DCP2: variants seen among roughly 807,000 people sequenced by gnomAD.
The protein encoded by DCP2 is decapping mRNA 2.
DCP2 carries 30 observed loss-of-function variants against 56.1 expected under a neutral mutation model. The observed-to-expected ratio is 0.53, with a 90% CI of 0.40 to 0.73. The LOEUF is 0.73. Among genes scored for constraint, DCP2 ranks in the 30% least tolerant of loss-of-function variants. The pLI, the probability that DCP2 is intolerant of heterozygous loss-of-function variation, is 0.00. For missense variants in DCP2, 533 were observed against 502.7 expected (o/e 1.06, Z -0.58); for synonymous variants, 197 against 163.3 (o/e 1.21, Z -1.57).
intron 4 of DCP2, among the ~76,000 whole-genome samples, chr5:112,999,483 C>A (rs936958375): frequency 6.6e-6 from 1 of 151,988 alleles, no homozygotes; most frequent in East Asian, 1.9e-4. Flanking sequence ...CATGCGCCAC[C>A]CCGCCTGGCT....
chr5:112,992,838 T>C, intron 4 of DCP2, 68 bp downstream of exon 4: 1 of 1,218,688 alleles, frequency 8.2e-7, no homozygotes, highest in Non-Finnish European at 1.1e-6. Context: ...TTTTTAGCCA[T>C]ATAGACTTAC....
Position 113,010,821 on chromosome 5 carries a change from T to A in DCP2, c.1099+14T>A, listed in dbSNP as rs1240573099. 2 of 1,597,332 alleles carry A rather than the reference T, an allele frequency of 1.3e-6. No individual in the cohort carries two copies. The highest frequency in any genetic ancestry group is 2.3e-5 in the South Asian group (2 of 86,952). On this transcript the variant is annotated intron_variant, in intron 10 of 10. Transcript: ENST00000389063. ...ATTTTGAAACAGGCAAGTCATTTCC[T>A]ATCTTTTTATAATCTCTGCCTTGTG...
In DCP2 at chr5:113,017,823, A is replaced by AATATCTATATCT. The variant is rs575807236; in HGVS notation, c.*4349_*4360dup. The AATATCTATATCT allele has an allele frequency of 6.6e-6, 1 of 152,172 alleles. No individual in the cohort carries two copies. The highest frequency in any genetic ancestry group is 1.5e-5 in the Non-Finnish European group (1 of 68,032). 9.4% of individuals were successfully genotyped at this position (152,172 alleles called of 1,614,324 possible). ...AAGTGTAGTCATTCATATATATATG[A>AATATCTATATCT]ATATCTATATCTATATCTATACATA... is the stretch of plus-strand genomic sequence containing the variant. On this transcript the variant is annotated 3_prime_UTR_variant, in exon 11 of 11. Coordinates refer to ENST00000389063, the MANE Select transcript of DCP2 (RefSeq NM_152624.6).
chr5:113,007,290 C>T (rs1306149376), intron 8 of DCP2, among the ~76,000 whole-genome samples: 6 of 152,036 alleles, frequency 3.9e-5, no homozygotes, highest in African/African-American at 7.2e-5. Flanking sequence ...TAATGTCCCT[C>T]GGCATTCCTT....
intron 1 of DCP2, among the ~76,000 whole-genome samples, chr5:112,979,724 G>A (rs1031409373): frequency 2.6e-5 from 4 of 152,134 alleles, no homozygotes; most frequent in Non-Finnish European, 4.4e-5. Context: ...TGATGCTTTA[G>A]TATGTAACAT....
In DCP2 at chr5:112,988,319, A is replaced by G. The variant is rs984568475; in HGVS notation, c.205+2333A>G. 2.3e-4 allele frequency among the ~76,000 whole-genome samples: 7 copies of G among 30,756 alleles called. No homozygotes were observed. In the South Asian group the frequency reaches 6.6e-3, roughly 29 times the overall value. The allele number at this position is 30,756 out of a possible 152,430, so 20.2% of individuals were successfully genotyped here. A position where few individuals can be genotyped will look rare whatever the true frequency, so the allele number is the denominator to read the frequency against. ...AACACAGTAAAACCCCGTCTCTACTAAAAAAAAAAAAAAATACAAAAAATT... is the reference window on the plus strand; with the variant it reads ...AACACAGTAAAACCCCGTCTCTACTGAAAAAAAAAAAAAATACAAAAAATT... On this transcript the variant is annotated intron_variant, in intron 2 of 10. Transcript: ENST00000389063.
chr5:112,994,062 G>T (rs1748728045), intron 4 of DCP2, among the ~76,000 whole-genome samples: 1 of 151,568 alleles, frequency 6.6e-6, no homozygotes, highest in African/African-American at 2.4e-5. Flanking sequence ...CTCCCAAAGT[G>T]CTGGGATTAG....
intron 2 of DCP2, among the ~76,000 whole-genome samples, chr5:112,988,215 G>T (rs1420472638): frequency 6.6e-6 from 1 of 151,874 alleles, no homozygotes; most frequent in South Asian, 2.1e-4. Context: ...GGGTGCGGTG[G>T]CTCATGCCTG....
At chr5:112,990,772 T>G (rs1748550753) in intron 2 of DCP2, among the ~76,000 whole-genome samples, 1 of 151,400 alleles carries the variant, frequency 6.6e-6, no homozygotes, top group South Asian at 2.1e-4. Flanking sequence ...ATGGCTGACT[T>G]GACTTGGGCT....
chr5:112,988,674 T>C (rs1174866244), intron 2 of DCP2, among the ~76,000 whole-genome samples: 1 of 152,134 alleles, frequency 6.6e-6, no homozygotes. Flanking sequence ...GTGTAGAAGT[T>C]AATGAGAAAT....
intron 1 of DCP2, among the ~76,000 whole-genome samples, chr5:112,979,394 C>G (rs558316627): frequency 9.5e-4 from 144 of 151,294 alleles, no homozygotes; most frequent in African/African-American, 3.3e-3. Context: ...TAGACTAAAA[C>G]TTTTTTTTTA....
Position 112,976,996 on chromosome 5 carries a change from T to G in DCP2, c.53+10T>G. Reference sequence around the variant, plus strand: ...TGGACGATCTCTGCAGGTACCGCGCTACCCGACCCCCTTTCGCCCCCGTCG... The same window carrying G: ...TGGACGATCTCTGCAGGTACCGCGCGACCCGACCCCCTTTCGCCCCCGTCG... On this transcript the variant is annotated intron_variant, in intron 1 of 10. Coordinates refer to ENST00000389063, the MANE Select transcript of DCP2 (RefSeq NM_152624.6). 6.5e-7 allele frequency: 1 copy of G among 1,532,556 alleles called. No individual in the cohort carries two copies. The highest frequency in any genetic ancestry group is 8.8e-7 in the Non-Finnish European group (1 of 1,130,656). The allele number at this position is 1,532,556 out of a possible 1,614,324, so 94.9% of individuals were successfully genotyped here. A position where few individuals can be genotyped will look rare whatever the true frequency, so the allele number is the denominator to read the frequency against.
At chr5:112,984,695 A>T (rs1379586765) in intron 1 of DCP2, 1,017 of 75,502 alleles carry the variant, frequency 0.013, 37 homozygotes, top group African/African-American at 0.075. Context: ...TTAAAAAAAA[A>T]AAAAAAAAAT....
intron 1 of DCP2, among the ~76,000 whole-genome samples, chr5:112,982,068 C>A (rs1748032553): frequency 6.6e-6 from 1 of 152,126 alleles, no homozygotes; most frequent in East Asian, 1.9e-4. Flanking sequence ...ATGCCAGGCC[C>A]CTTCTGGCTA....
intron 8 of DCP2, among the ~76,000 whole-genome samples, chr5:113,005,743 G>A (rs747208463): frequency 6.6e-6 from 1 of 152,192 alleles, no homozygotes; most frequent in Non-Finnish European, 1.5e-5. Context: ...CCAAAAGGTG[G>A]AAACAACTCA....
Position 113,014,567 on chromosome 5 carries a change from T to G in DCP2, c.*1083T>G, listed in dbSNP as rs1749808123. ...GTATATGTGTTACATAACAGTAACATACATAACTCACTCCTAGGAATGTAT... is the reference window on the plus strand; with the variant it reads ...GTATATGTGTTACATAACAGTAACAGACATAACTCACTCCTAGGAATGTAT... On this transcript the variant is annotated 3_prime_UTR_variant, in exon 11 of 11. Transcript: ENST00000389063. The G allele has an allele frequency of 6.6e-6, 1 of 152,652 alleles. No individual in the cohort carries two copies. Among genetic ancestry groups the G allele is most frequent in the Non-Finnish European group, 1.5e-5 (1 of 68,048 alleles). 9.5% of individuals were successfully genotyped at this position (152,652 alleles called of 1,614,324 possible). A position where few individuals can be genotyped will look rare whatever the true frequency, so the allele number is the denominator to read the frequency against.
At chr5:113,005,151 G>GTGTGTGTGTGTGTGTGTGTGT (rs1749361092) in intron 8 of DCP2, among the ~76,000 whole-genome samples, 3 of 149,420 alleles carry the variant, frequency 2.0e-5, no homozygotes, top group African/African-American at 7.4e-5. Flanking sequence ...TGTGCGTGTG[G>GTGTGTGTGTGTGTGTGTGTGT]GTGTGTGTGT....
At chr5:113,002,494 G>A (rs1012504747) in intron 7 of DCP2, among the ~76,000 whole-genome samples, 1 of 151,808 alleles carries the variant, frequency 6.6e-6, no homozygotes, top group Non-Finnish European at 1.5e-5. Context: ...CATAAACCGT[G>A]AAGAACATTT....
chr5:113,003,726 C>T (rs949414567), intron 7 of DCP2, among the ~76,000 whole-genome samples: 3 of 152,022 alleles, frequency 2.0e-5, no homozygotes, highest in Admixed American at 1.3e-4. Flanking sequence ...TGTATTAATT[C>T]ATTCAAGAAA....
Sources: gnomAD v4.1 joint callset for allele counts (sites outside exome capture counted in the v4.1 genomes callset) on GRCh38, gnomAD v4.1.1 for gene constraint, MANE v1.5 for transcripts, NCBI Gene and HGNC (gene_info 2026-07-23, HGNC 2026-07-21) for gene names.